The following WDR35 variants were observed in gnomAD, a reference collection of about 807,000 sequenced individuals.
WDR35 encodes the protein WD repeat-containing protein 35.
A neutral mutation model predicts 158.3 loss-of-function variants in WDR35; 118 were observed. The ratio of observed to expected loss-of-function variants is 0.75; its 90% confidence interval spans 0.64 to 0.87. WDR35 has a LOEUF of 0.87. Ranked by LOEUF, WDR35 falls within the 40% of genes least tolerant of loss-of-function variation. The pLI, the probability that WDR35 is intolerant of heterozygous loss-of-function variation, is 0.00. For synonymous variants in WDR35, 448 were observed against 476.1 expected, an observed-to-expected ratio of 0.94 and a Z score of 0.77; for missense variants, 1,263 against 1,405.8, an observed-to-expected ratio of 0.90 and a Z score of 1.62.
At chr2:19,974,730 T>A in intron 6 of WDR35, 97 bp from the exon 7 acceptor site, 1 of 1,240,854 alleles carries the variant, frequency 8.1e-7, no homozygotes, top group Non-Finnish European at 1.1e-6. Context: ...CACTGAAAAA[T>A]ACAGTCTAAA....
chr2:19,983,956 G>A (rs566123993), intron 2 of WDR35, among the ~76,000 whole-genome samples: 128 of 146,990 alleles, frequency 8.7e-4, no homozygotes, highest in African/African-American at 3.1e-3. Context: ...AATATTTGGT[G>A]GAAACATTTT....
At chr2:19,961,031 G>A (rs1406657330) in intron 10 of WDR35, among the ~76,000 whole-genome samples, 1 of 152,152 alleles carries the variant, frequency 6.6e-6, no homozygotes, top group African/African-American at 2.4e-5. Context: ...ACAGGATCTA[G>A]TTTGAAGCAC....
intron 4 of WDR35, among the ~76,000 whole-genome samples, chr2:19,980,416 A>C (rs1464729741): frequency 6.6e-6 from 1 of 152,144 alleles, no homozygotes; most frequent in Non-Finnish European, 1.5e-5. Flanking sequence ...AAAAAGACTT[A>C]TCTCAAGTAG....
At position 19,912,223 on chromosome 2, in the gene WDR35, T is replaced by A. The variant is rs931990503; in HGVS notation, c.*1335A>T. The stretch of plus-strand genomic sequence containing the variant: ...ATTGCAAATTGGTTCAATAAACCAA[T>A]GTATTTTGAGAATTTTTATTTGGTT... On this transcript the variant is annotated 3_prime_UTR_variant, in exon 27 of 27. Transcript: ENST00000281405. 1 of 152,230 alleles carries A rather than the reference T, an allele frequency of 6.6e-6. No homozygotes were observed. The allele number at this position is 152,230 out of a possible 1,614,324, so 9.4% of individuals were successfully genotyped here.
chr2:19,945,011 T>C (rs370697306), intron 16 of WDR35, among the ~76,000 whole-genome samples: 5 of 152,226 alleles, frequency 3.3e-5, no homozygotes, highest in African/African-American at 1.2e-4. Context: ...AAATTCCAAA[T>C]TGAAAATCCA....
In WDR35 at chr2:19,969,620, T is replaced by A; in HGVS notation, c.883-15A>T. ...GTACCCAGATGCTGAAAAAGAAAGT[T>A]ATCTTTAACCTAAAGTATAACAATT... On this transcript the variant is annotated splice_polypyrimidine_tract_variant and intron_variant, in intron 8 of 26. Coordinates refer to ENST00000281405, the MANE Select transcript of WDR35 (RefSeq NM_020779.4). The A allele has an allele frequency of 6.2e-7, 1 of 1,612,682 alleles. No homozygotes were observed. Among genetic ancestry groups the A allele is most frequent in the Middle Eastern group, 1.7e-4 (1 of 6,056 alleles).
rs906915221 is a variant in WDR35 at position 19,911,100 on chromosome 2, T to C, written c.*2458A>G. 3.3e-5 allele frequency: 5 copies of C among 152,016 alleles called. No individual in the cohort carries two copies. The highest frequency in any genetic ancestry group is 4.8e-5 in the African/African-American group (2 of 41,354). The allele number at this position is 152,016 out of a possible 1,614,324, so 9.4% of individuals were successfully genotyped here. A position where few individuals can be genotyped will look rare whatever the true frequency, so the allele number is the denominator to read the frequency against. On this transcript the variant is annotated 3_prime_UTR_variant, in exon 27 of 27. Transcript: ENST00000281405. ...GGATCTACCTGGAATAATTCGTTGG[T>C]GGGAAAATTCTAGGGCTCAGGCAGC...
Position 19,966,783 on chromosome 2 carries a change from T to G in WDR35, c.1135A>C (p.Ile379Leu). The change falls in exon 10 of 27, where the codon ATT (isoleucine) becomes CTT (leucine). Residue 379 changes from isoleucine (I) to leucine (L), a missense_variant. Coordinates refer to ENST00000281405, the MANE Select transcript of WDR35 (RefSeq NM_020779.4). The stretch of plus-strand genomic sequence containing the variant: ...ATGCAGAAATCTCCACAGGTAGTAA[T>G]AGAAATGAGACCCTTCACATATTTA... Reference protein sequence around the residue: ...YVKYVKGLISITTCGDFCILA... With the variant: ...YVKYVKGLISLTTCGDFCILA... 1 of 1,614,030 alleles carries G rather than the reference T, an allele frequency of 6.2e-7. No homozygotes were observed. Among genetic ancestry groups the G allele is most frequent in the African/African-American group, 1.3e-5 (1 of 75,040 alleles).
chr2:19,978,968 C>A (rs577028782), intron 4 of WDR35, 89 bp from the exon 5 acceptor site: 1 of 1,535,374 alleles, frequency 6.5e-7, no homozygotes, highest in Admixed American at 1.8e-5. Context: ...ATAAAGTACG[C>A]CATGGGACAA....
chr2:19,913,450 G>A lies in WDR35; in HGVS notation c.*108C>T. ...CAAAAATTCAACTATAAATAATGAG[G>A]CTGATTTTCATACAAAACTCACAGA... On this transcript the variant is annotated 3_prime_UTR_variant, in exon 27 of 27. Coordinates refer to ENST00000281405, the MANE Select transcript of WDR35 (RefSeq NM_020779.4). The A allele has an allele frequency of 1.4e-6, 2 of 1,407,166 alleles. No homozygotes were observed. Among genetic ancestry groups the A allele is most frequent in the Non-Finnish European group, 2.0e-6 (2 of 1,020,686 alleles). 87.2% of individuals were successfully genotyped at this position (1,407,166 alleles called of 1,614,324 possible).
intron 25 of WDR35, among the ~76,000 whole-genome samples, chr2:19,916,430 A>C (rs1042127305): frequency 6.6e-6 from 1 of 152,206 alleles, no homozygotes; most frequent in South Asian, 2.1e-4. Flanking sequence ...CCAGGGAGCC[A>C]AGGGGTCTGG....
At position 19,935,467 on chromosome 2, in the gene WDR35, C is replaced by CT; in HGVS notation, c.2547+3dup. The CT allele has an allele frequency of 3.1e-6, 5 of 1,612,286 alleles. No individual in the cohort carries two copies. The highest frequency in any genetic ancestry group is 4.2e-6 in the Non-Finnish European group (5 of 1,179,288). On this transcript the variant is annotated splice_donor_region_variant and intron_variant, in intron 21 of 26. Transcript: ENST00000281405. ...TTCCAAAAACTAAAATTTGCAATAC[C>CT]TACTGGAAGTAACTTGTGGTTTTCT...
chr2:19,968,076 T>C (rs151022407), intron 9 of WDR35, among the ~76,000 whole-genome samples: 3 of 152,314 alleles, frequency 2.0e-5, no homozygotes, highest in Non-Finnish European at 4.4e-5. Flanking sequence ...AAGTATTTTG[T>C]AGATTGTCCC....
chr2:19,985,502 C>G (rs1222518498), intron 2 of WDR35, among the ~76,000 whole-genome samples: 1 of 151,692 alleles, frequency 6.6e-6, no homozygotes, highest in African/African-American at 2.4e-5. Context: ...TCCTCAAACC[C>G]TACCACAAGC....
Position 19,967,115 on chromosome 2 carries a change from G to A in WDR35, c.1009-206C>T, listed in dbSNP as rs772720635. On this transcript the variant is annotated intron_variant, in intron 9 of 26. Transcript: ENST00000281405. ...AGATTTATAAAACAAAGAATGTGCT[G>A]CAAATATAAATTTAGTTTGTCTAAC... is the stretch of plus-strand genomic sequence containing the variant. Among the ~76,000 whole-genome samples, 6 of 152,112 alleles carry A rather than the reference G, an allele frequency of 3.9e-5. No individual in the cohort carries two copies. In the South Asian group the frequency reaches 1.2e-3, roughly 32 times the overall value.
rs1159602551 is a variant in WDR35 at position 19,934,023 on chromosome 2, G to GAAC, written c.2548-515_2548-513dup. On this transcript the variant is annotated intron_variant, in intron 21 of 26. Transcript: ENST00000281405. The surrounding 1 kb of genome is among the most constrained non-coding windows in gnomAD (Gnocchi z 4.6). The stretch of plus-strand genomic sequence containing the variant: ...CTTGGAAAGTGGTGGCAGCGAGGAA[G>GAAC]AACCACCACCACCACCACCACCACC... Among the ~76,000 whole-genome samples, 180 of 118,590 alleles carry GAAC rather than the reference G, an allele frequency of 1.5e-3. 2 individuals are homozygous for GAAC. The highest frequency in any genetic ancestry group is 2.2e-4 in the Non-Finnish European group (13 of 59,106). 77.8% of individuals were successfully genotyped at this position (118,590 alleles called of 152,430 possible). A position where few individuals can be genotyped will look rare whatever the true frequency, so the allele number is the denominator to read the frequency against.
intron 8 of WDR35, among the ~76,000 whole-genome samples, chr2:19,969,920 T>C (rs1475016327): frequency 6.6e-6 from 1 of 152,128 alleles, no homozygotes; most frequent in East Asian, 1.9e-4. Context: ...GCTAATTTTT[T>C]GTATTTTTAG....
intron 5 of WDR35, among the ~76,000 whole-genome samples, chr2:19,977,266 T>C (rs940140226): frequency 3.3e-5 from 5 of 152,260 alleles, no homozygotes; most frequent in African/African-American, 7.2e-5. Context: ...GCTGCAGATA[T>C]GTATGTCTAA....
In WDR35 at chr2:19,914,210, G is replaced by A. The variant is rs1295936600; in HGVS notation, c.3189C>T (p.Cys1063=). ...TCCCAAAGGCTCTGCTGGCGCATGC[G>A]CAGAGTGCTAGCAGAGAGTAGATCT... ...PVEIYSLLAL[C]ACASRAFGTC... The change falls in exon 26 of 27, where the codon TGC becomes TGT. Residue 1063 remains cysteine, a synonymous_variant. Coordinates refer to ENST00000281405, the MANE Select transcript of WDR35 (RefSeq NM_020779.4). The A allele has an allele frequency of 2.7e-5, 43 of 1,614,024 alleles. No individual in the cohort carries two copies. The highest frequency in any genetic ancestry group is 1.6e-4 in the Middle Eastern group (1 of 6,084).
Sources: allele counts gnomAD v4.1 joint callset (sites outside exome capture counted in the v4.1 genomes callset), GRCh38; gene constraint gnomAD v4.1.1; non-coding constraint Gnocchi (gnomAD v3.1); transcripts MANE v1.5; gene names NCBI Gene and HGNC (gene_info 2026-07-23, HGNC 2026-07-21).